NLGN1: variants seen among roughly 807,000 people sequenced by gnomAD.
The protein encoded by NLGN1 is neuroligin 1.
A neutral mutation model predicts 65.5 loss-of-function variants in NLGN1; 12 were observed. The observed-to-expected ratio is 0.18, with a 90% CI of 0.12 to 0.30. NLGN1 has a LOEUF of 0.30. NLGN1 is among the 10% of genes least tolerant of loss of function. The pLI is 1.00. For missense variants in NLGN1, 750 were observed against 1,007.1 expected (o/e 0.74, Z 3.46); for synonymous variants, 350 against 359.5 (o/e 0.97, Z 0.30).
intron 3 of NLGN1, among the ~76,000 whole-genome samples, chr3:173,720,366 C>T (rs945486220): frequency 1.3e-5 from 2 of 151,978 alleles, no homozygotes; most frequent in Admixed American, 6.6e-5. Flanking sequence ...TTCAAGTGAC[C>T]GGAAGGTCAG....
At chr3:173,892,755 G>C (rs1735599340) in intron 4 of NLGN1, among the ~76,000 whole-genome samples, 1 of 151,726 alleles carries the variant, frequency 6.6e-6, no homozygotes, top group African/African-American at 2.4e-5. Flanking sequence ...AAAATGTGAG[G>C]ACACAGAGGA....
chr3:173,609,943 G>A (rs1170166896), intron 3 of NLGN1, among the ~76,000 whole-genome samples: 1 of 151,804 alleles, frequency 6.6e-6, no homozygotes, highest in Non-Finnish European at 1.5e-5. Flanking sequence ...AGATATTTAA[G>A]GAACAATTAG....
chr3:173,793,694 A>T (rs751026494), intron 3 of NLGN1, among the ~76,000 whole-genome samples: 1 of 152,168 alleles, frequency 6.6e-6, no homozygotes, highest in Non-Finnish European at 1.5e-5. Flanking sequence ...CACAAATGGA[A>T]TAAGACCTCA....
At position 174,160,433 on chromosome 3, in the gene NLGN1, T is replaced by C. The variant is rs181917070; in HGVS notation, c.647-114882T>C. On this transcript the variant is annotated intron_variant, in intron 4 of 6. Transcript: ENST00000457714. Reference sequence around the variant, plus strand: ...TAAACTTTTTTTTCATTATTACAAATATTTGGCATTCTCTAACAATGAATT... The same window carrying C: ...TAAACTTTTTTTTCATTATTACAAACATTTGGCATTCTCTAACAATGAATT... Among the ~76,000 whole-genome samples, 15 of 151,802 alleles carry C rather than the reference T, an allele frequency of 9.9e-5. No homozygotes were observed. The East Asian group carries it at 2.7e-3, about 27-fold the overall frequency.
intron 4 of NLGN1, among the ~76,000 whole-genome samples, chr3:174,132,491 G>T (rs1040428092): frequency 2.6e-5 from 4 of 151,922 alleles, no homozygotes; most frequent in Non-Finnish European, 4.4e-5. Flanking sequence ...GAATACTCTT[G>T]TAAGTCTGGC....
At chr3:174,271,398 G>C (rs994138404) in intron 4 of NLGN1, among the ~76,000 whole-genome samples, 1 of 151,664 alleles carries the variant, frequency 6.6e-6, no homozygotes, top group Non-Finnish European at 1.5e-5. Context: ...AAACCGCAGG[G>C]CTACTGCCTG....
intron 3 of NLGN1, among the ~76,000 whole-genome samples, chr3:173,736,623 G>T (rs1306809590): frequency 6.6e-6 from 1 of 151,640 alleles, no homozygotes; most frequent in African/African-American, 2.4e-5. Context: ...CTTGGAGAGG[G>T]TTGCAGTATG....
chr3:173,440,207 C>A (rs1336210908), intron 2 of NLGN1, among the ~76,000 whole-genome samples: 1 of 152,142 alleles, frequency 6.6e-6, no homozygotes, highest in East Asian at 1.9e-4. Context: ...TATCTTTAGA[C>A]TCTACTTTTA....
chr3:173,699,519 G>A (rs755761042), intron 3 of NLGN1, among the ~76,000 whole-genome samples: 1 of 152,166 alleles, frequency 6.6e-6, no homozygotes, highest in Non-Finnish European at 1.5e-5. Context: ...CTTTGTCATG[G>A]ATTCTTTGAA....
intron 3 of NLGN1, among the ~76,000 whole-genome samples, chr3:173,730,909 T>C (rs1772726208): frequency 6.6e-6 from 1 of 152,052 alleles, no homozygotes; most frequent in African/African-American, 2.4e-5. Flanking sequence ...GGAAATAATA[T>C]TTTCTAACTT....
chr3:173,403,284 G>T (rs1718041911), intron 1 of NLGN1, among the ~76,000 whole-genome samples: 1 of 151,962 alleles, frequency 6.6e-6, no homozygotes, highest in Admixed American at 6.6e-5. Context: ...ACCTTGCTTT[G>T]TCATCGTATA....
intron 2 of NLGN1, among the ~76,000 whole-genome samples, chr3:173,546,705 A>T (rs1577212203): frequency 6.6e-6 from 1 of 152,174 alleles, no homozygotes; most frequent in Non-Finnish European, 1.5e-5. Flanking sequence ...TATTAAATTC[A>T]TGGATTATTG....
chr3:174,154,957 A>T (rs1339700917), intron 4 of NLGN1, among the ~76,000 whole-genome samples: 2 of 141,114 alleles, frequency 1.4e-5, no homozygotes, highest in African/African-American at 5.2e-5. Flanking sequence ...TATATAATAT[A>T]ATATATAATT....
chr3:174,270,701 G>A (rs1166881386), intron 4 of NLGN1, among the ~76,000 whole-genome samples: 1 of 151,702 alleles, frequency 6.6e-6, no homozygotes, highest in Non-Finnish European at 1.5e-5. Flanking sequence ...AAAAGAGGAG[G>A]ACCTGGAATA....
intron 4 of NLGN1, among the ~76,000 whole-genome samples, chr3:173,941,305 C>T (rs758484759): frequency 1.3e-5 from 2 of 151,990 alleles, no homozygotes; most frequent in Admixed American, 6.6e-5. Flanking sequence ...ACGTGACAAA[C>T]ACAAAGGAAA....
intron 3 of NLGN1, among the ~76,000 whole-genome samples, chr3:173,747,804 T>TTCTTC (rs1560289494): frequency 2.9e-5 from 2 of 68,428 alleles, no homozygotes; most frequent in South Asian, 6.3e-4. Context: ...TCTTGTTCTT[T>TTCTTC]TTTTTTTTTT....
At chr3:173,444,950 GCAAGGACTTGTATTAAAAAAAAAA>G (rs1213436462) in intron 2 of NLGN1, among the ~76,000 whole-genome samples, 4 of 142,194 alleles carry the variant, frequency 2.8e-5, no homozygotes, top group African/African-American at 9.8e-5. Flanking sequence ...AATGCAATAT[GCAAGGACTTGTATTAAAAAAAAAA>G]CAAGGACTTG....
At chr3:173,597,397 C>T (rs986060650) in intron 2 of NLGN1, among the ~76,000 whole-genome samples, 6 of 152,154 alleles carry the variant, frequency 3.9e-5, no homozygotes, top group African/African-American at 1.2e-4. Flanking sequence ...TTTTGGACAG[C>T]GATTGGCAAG....
rs755750558 is a variant in NLGN1 at position 174,280,832 on chromosome 3, G to A, written c.2001G>A (p.Val667=). The change falls in exon 7 of 7, where the codon GTG becomes GTA. Residue 667 remains valine, a synonymous_variant. Coordinates refer to ENST00000457714, the Ensembl canonical transcript of NLGN1. This position sits in a 1 kb window ranked among gnomAD's most constrained non-coding sequence, Gnocchi z 4.9. Reference sequence around the variant, plus strand: ...AACAACAACCAAGTCCATTTTCAGTGGATCAAAGGGACTACTCAACAGAGC... The same window carrying A: ...AACAACAACCAAGTCCATTTTCAGTAGATCAAAGGGACTACTCAACAGAGC... 1.2e-6 allele frequency: 2 copies of A among 1,613,352 alleles called. No individual in the cohort carries two copies. Among genetic ancestry groups the A allele is most frequent in the Non-Finnish European group, 1.7e-6 (2 of 1,179,584 alleles).
Sources: gnomAD v4.1 joint callset for allele counts (sites outside exome capture counted in the v4.1 genomes callset) on GRCh38, gnomAD v4.1.1 for gene constraint, Gnocchi (gnomAD v3.1) non-coding constraint, MANE v1.5 for transcripts, NCBI Gene and HGNC (gene_info 2026-07-23, HGNC 2026-07-21) for gene names.